The following SLK variants were observed in gnomAD, a reference collection of about 807,000 sequenced individuals.
The protein encoded by SLK is STE20 like kinase.
In SLK, 67 loss-of-function variants were observed where a neutral mutation model predicts 147.7. The observed-to-expected ratio is 0.45, with a 90% CI of 0.37 to 0.56. The LOEUF (loss-of-function observed/expected upper bound fraction) is 0.56. Among genes scored for constraint, SLK ranks in the 20% least tolerant of loss-of-function variants. The pLI, the probability that SLK is intolerant of heterozygous loss-of-function variation, is 0.00. For missense variants in SLK, 1,136 were observed against 1,438.8 expected (o/e 0.79, Z 3.41); for synonymous variants, 441 against 475.0 (o/e 0.93, Z 0.93).
intron 18 of SLK, among the ~76,000 whole-genome samples, chr10:104,022,080 C>T (rs1450058476): frequency 2.0e-5 from 3 of 151,978 alleles, no homozygotes; most frequent in Admixed American, 6.5e-5. Context: ...ACTTGCTAAG[C>T]GGATGGGCTG....
chr10:104,016,625 T>G (rs1844469156), intron 13 of SLK, among the ~76,000 whole-genome samples: 3 of 152,224 alleles, frequency 2.0e-5, no homozygotes, highest in Non-Finnish European at 4.4e-5. Flanking sequence ...ACTATATATG[T>G]ATTTATGCTA....
chr10:104,000,515 G>A (rs1844231263), intron 7 of SLK, among the ~76,000 whole-genome samples: 3 of 152,100 alleles, frequency 2.0e-5, no homozygotes, highest in South Asian at 4.1e-4. Context: ...GCTTTGTTGT[G>A]TGCAGCAAGT....
intron 1 of SLK, 72 bp from the exon 2 acceptor site, chr10:103,990,603 A>C (rs1168680221): frequency 1.2e-6 from 1 of 867,286 alleles, no homozygotes; most frequent in Non-Finnish European, 1.7e-6. Context: ...AAAACTTAAA[A>C]TCTATTAAAA....
chr10:104,017,036 T>A (rs1844473637), intron 13 of SLK, among the ~76,000 whole-genome samples: 1 of 152,226 alleles, frequency 6.6e-6, no homozygotes, highest in Non-Finnish European at 1.5e-5. Context: ...TGGATGCTGT[T>A]CCTTTTCTTC....
chr10:104,024,849 C>T (rs1337696541), intron 18 of SLK, among the ~76,000 whole-genome samples: 2 of 152,180 alleles, frequency 1.3e-5, no homozygotes, highest in Admixed American at 1.3e-4. Context: ...CGACTTCTCA[C>T]CGTGTCCTCA....
At chr10:104,017,236 TTTC>T (rs546542357) in intron 13 of SLK, among the ~76,000 whole-genome samples, 59 of 152,328 alleles carry the variant, frequency 3.9e-4, no homozygotes, top group African/African-American at 1.4e-3. Context: ...TTATACAAAT[TTTC>T]TTGATAGATT....
rs1281629693 is a variant in SLK, at chr10:103,967,396, A to AGCC, written c.-341_-339dup. 2 of 150,702 alleles carry AGCC rather than the reference A, an allele frequency of 1.3e-5. No homozygotes were observed. Among genetic ancestry groups the AGCC allele is most frequent in the African/African-American group, 2.4e-5 (1 of 41,264 alleles). 9.3% of individuals were successfully genotyped at this position (150,702 alleles called of 1,614,324 possible). ...GGAGACTCGCCGTGACACGGGCCTA[A>AGCC]GCCGCCGCCGCGGGAGTCCTGACCG... On this transcript the variant is annotated 5_prime_UTR_variant, in exon 1 of 19. Coordinates refer to ENST00000369755, the MANE Select transcript of SLK (RefSeq NM_014720.4).
rs757221518 is a variant in SLK at position 104,006,015 on chromosome 10, C to G, written c.2584C>G (p.Arg862Gly). Reference protein sequence around the residue: ...LQQQREQIFRRFEQEMMSKKR... With the variant: ...LQQQREQIFRGFEQEMMSKKR... ...GCAACAACGAGAACAAATTTTCCGGCGCTTTGAGCAGGAAATGATGGTAAA... is the reference window on the plus strand; with the variant it reads ...GCAACAACGAGAACAAATTTTCCGGGGCTTTGAGCAGGAAATGATGGTAAA... Residue 862 changes from arginine to glycine, a missense_variant, in exon 11 of 19, where the codon CGC becomes GGC. Arg to Gly is a moderately radical substitution (Grantham distance 125). Transcript: ENST00000369755. 6.2e-7 allele frequency: 1 copy of G among 1,612,196 alleles called. No individual in the cohort carries two copies. The highest frequency in any genetic ancestry group is 8.5e-7 in the Non-Finnish European group (1 of 1,179,522).
At chr10:103,976,297 C>T (rs1843869684) in intron 1 of SLK, among the ~76,000 whole-genome samples, 1 of 152,026 alleles carries the variant, frequency 6.6e-6, no homozygotes, top group African/African-American at 2.4e-5. Context: ...GGATATATAC[C>T]GGGAAGGAAT....
At chr10:103,992,774 A>G in intron 3 of SLK, 128 bp downstream of exon 3, 1 of 191,266 alleles carries the variant, frequency 5.2e-6, no homozygotes, top group Non-Finnish European at 8.9e-6. Flanking sequence ...TAACTCAAGT[A>G]TGTTTTTATA....
Position 104,005,571 on chromosome 10 carries a change from G to T in SLK, c.2360G>T (p.Arg787Ile), listed in dbSNP as rs193020197. ...SGSISLQETR[R>I]QKKTLKKTRK... ...TAAAATCTCACTCAGGAAACAAGAA[G>T]ACAAAAGAAAACATTGAAGAAAACA... is the stretch of plus-strand genomic sequence containing the variant. The change falls in exon 10 of 19, where the codon AGA (arginine) becomes ATA (isoleucine). Residue 787 changes from arginine (R) to isoleucine (I), a missense_variant. By Grantham distance (97) the Arg-to-Ile change is moderately conservative. This residue lies in a region of SLK where 516 missense variants were observed against 531.3 expected (regional missense o/e 0.97). Transcript: ENST00000369755. The T allele has an allele frequency of 6.2e-7, 1 of 1,605,548 alleles. No homozygotes were observed. Among genetic ancestry groups the T allele is most frequent in the Admixed American group, 1.7e-5 (1 of 57,638 alleles).
At chr10:103,988,487 C>T (rs1426397548) in intron 1 of SLK, among the ~76,000 whole-genome samples, 1 of 152,082 alleles carries the variant, frequency 6.6e-6, no homozygotes. Context: ...AAATTTGCAA[C>T]CTCTAGCATA....
intron 1 of SLK, among the ~76,000 whole-genome samples, chr10:103,982,463 A>G (rs1589527952): frequency 6.6e-6 from 1 of 152,366 alleles, no homozygotes; most frequent in East Asian, 1.9e-4. Context: ...AACCAGAACA[A>G]TATAAATAAA....
intron 11 of SLK, 56 bp downstream of exon 11, chr10:104,006,091 C>A: frequency 1.3e-6 from 2 of 1,525,592 alleles, no homozygotes; most frequent in Non-Finnish European, 1.8e-6. Flanking sequence ...ATGACATTTA[C>A]TGCATTAAAA....
At chr10:104,010,756 T>C (rs1428078913) in intron 12 of SLK, 60 bp from the exon 13 acceptor site, 2 of 1,126,650 alleles carry the variant, frequency 1.8e-6, no homozygotes, top group Non-Finnish European at 2.5e-6. Flanking sequence ...TCTGCTCTCA[T>C]AAATGCTTGC....
chr10:103,999,432 A>G (rs805649), intron 6 of SLK, 119 bp downstream of exon 6: 131,117 of 729,752 alleles, frequency 0.18, 12,735 homozygotes, highest in African/African-American at 0.31. Context: ...TTCGAAGACT[A>G]TATGAATTAG....
In SLK at chr10:104,021,616, T is replaced by C; in HGVS notation, c.3448-4T>C. 1 of 1,564,548 alleles carries C rather than the reference T, an allele frequency of 6.4e-7. No individual in the cohort carries two copies. Among genetic ancestry groups the C allele is most frequent in the East Asian group, 2.3e-5 (1 of 44,418 alleles). ...ATTTTTTTAAATCCCAACTTTATTT[T>C]CAGAATGAAAAATGCCACTTGTTGG... is the stretch of plus-strand genomic sequence containing the variant. On this transcript the variant is annotated splice_polypyrimidine_tract_variant and splice_region_variant and intron_variant, in intron 17 of 18. Transcript: ENST00000369755.
In SLK at chr10:103,981,056, G is replaced by T. The variant is rs1265237352; in HGVS notation, c.151-9619G>T. 2.0e-5 allele frequency among the ~76,000 whole-genome samples: 3 copies of T among 152,050 alleles called. No individual in the cohort carries two copies. In the East Asian group the frequency reaches 5.8e-4, roughly 29 times the overall value. On this transcript the variant is annotated intron_variant, in intron 1 of 18. Coordinates refer to ENST00000369755, the MANE Select transcript of SLK (RefSeq NM_014720.4). ...TGTAAGGTGGTACTTATATAGTTTT[G>T]ACTTATATATCTCTAATATTAGTGA...
At chr10:103,986,472 A>C (rs1844014753) in intron 1 of SLK, among the ~76,000 whole-genome samples, 1 of 152,028 alleles carries the variant, frequency 6.6e-6, no homozygotes, top group Non-Finnish European at 1.5e-5. Flanking sequence ...TGCTCATCTG[A>C]CAGGAGACAG....
Sources: gnomAD v4.1 joint callset for allele counts (sites outside exome capture counted in the v4.1 genomes callset) on GRCh38, gnomAD v4.1.1 for gene constraint, gnomAD v4.1.1 regional missense constraint, MANE v1.5 for transcripts, NCBI Gene and HGNC (gene_info 2026-07-23, HGNC 2026-07-21) for gene names.